SLC8A1: variants seen among roughly 807,000 people sequenced by gnomAD.
The protein encoded by SLC8A1 is solute carrier family 8 member A1, also known as sodium/calcium exchanger 1.
SLC8A1 carries 18 observed loss-of-function variants against 68.3 expected under a neutral mutation model. The observed-to-expected ratio is 0.26, with a 90% CI of 0.18 to 0.39. The LOEUF is 0.39. SLC8A1 is among the 10% of genes least tolerant of loss of function. The pLI, the probability that SLC8A1 is intolerant of heterozygous loss-of-function variation, is 1.00. For missense variants in SLC8A1, 985 were observed against 1,156.7 expected, an observed-to-expected ratio of 0.85 and a Z score of 2.15; for synonymous variants, 475 against 415.5, an observed-to-expected ratio of 1.14 and a Z score of -1.74.
intron 2 of SLC8A1, among the ~76,000 whole-genome samples, chr2:40,204,965 T>A (rs1035801063): frequency 6.6e-6 from 1 of 152,010 alleles, no homozygotes; most frequent in Non-Finnish European, 1.5e-5. Flanking sequence ...CCATTCCATC[T>A]TCTTTCCATT....
exon 8 of SLC8A1, chr2:40,098,192 T>C (rs1308237598): frequency 1.3e-5 from 2 of 152,058 alleles, no homozygotes; most frequent in African/African-American, 2.4e-5. Flanking sequence ...AAGATTGATA[T>C]TTCCCCACAG....
At chr2:40,414,280 C>A (rs1320033290) in intron 2 of SLC8A1, among the ~76,000 whole-genome samples, 2 of 152,156 alleles carry the variant, frequency 1.3e-5, no homozygotes, top group African/African-American at 4.8e-5. Context: ...GCCACAAAGA[C>A]AGCTAGACCG....
At chr2:40,287,556 C>T (rs2068515128) in intron 2 of SLC8A1, among the ~76,000 whole-genome samples, 1 of 138,336 alleles carries the variant, frequency 7.2e-6, no homozygotes, top group African/African-American at 2.7e-5. Flanking sequence ...ATTCCTCATT[C>T]TTTCAGCGGA....
exon 8 of SLC8A1, chr2:40,109,374 A>G (rs1211003967): frequency 6.6e-6 from 1 of 152,200 alleles, no homozygotes; most frequent in Non-Finnish European, 1.5e-5. Flanking sequence ...CCACACCTAC[A>G]TATTGATAGA....
At chr2:40,469,429 C>A (rs1026748918) in intron 1 of SLC8A1, among the ~76,000 whole-genome samples, 1 of 152,234 alleles carries the variant, frequency 6.6e-6, no homozygotes, top group Admixed American at 6.5e-5. Flanking sequence ...CTGTATGTTT[C>A]CTGAGGCCTC....
At chr2:40,254,833 C>T (rs964535727) in intron 2 of SLC8A1, 1 of 152,216 alleles carries the variant, frequency 6.6e-6, no homozygotes, top group Non-Finnish European at 1.5e-5. Flanking sequence ...TGAGCACTCA[C>T]ACTGTGCAAT....
At chr2:40,366,988 A>C (rs1312634719) in intron 2 of SLC8A1, among the ~76,000 whole-genome samples, 3 of 152,012 alleles carry the variant, frequency 2.0e-5, no homozygotes, top group Non-Finnish European at 4.4e-5. Context: ...ATTCCACCTG[A>C]GATTAACCTT....
chr2:40,323,916 A>G (rs1030115482), intron 2 of SLC8A1, among the ~76,000 whole-genome samples: 10 of 152,122 alleles, frequency 6.6e-5, no homozygotes, highest in Admixed American at 2.0e-4. Context: ...AAAAATTATA[A>G]GAATTTTTTA....
exon 8 of SLC8A1, chr2:40,114,072 A>G (rs975612665): frequency 6.5e-6 from 1 of 152,790 alleles, no homozygotes; most frequent in Non-Finnish European, 1.5e-5. Context: ...TATGTCTTCA[A>G]TGTCCAATCA....
intron 2 of SLC8A1, among the ~76,000 whole-genome samples, chr2:40,386,436 G>A (rs984109733): frequency 6.6e-6 from 1 of 150,376 alleles, no homozygotes; most frequent in Non-Finnish European, 1.5e-5. Context: ...AATAATATGA[G>A]GCTTTTACAT....
intron 2 of SLC8A1, among the ~76,000 whole-genome samples, chr2:40,382,679 T>C (rs1682254115): frequency 6.9e-6 from 1 of 144,524 alleles, no homozygotes; most frequent in African/African-American, 2.6e-5. Context: ...GAAAATCGTA[T>C]ATTATAGGTA....
intron 2 of SLC8A1, among the ~76,000 whole-genome samples, chr2:40,270,189 A>G (rs1014676614): frequency 6.6e-6 from 1 of 152,226 alleles, no homozygotes; most frequent in African/African-American, 2.4e-5. Context: ...TTATGCCAGG[A>G]TACTTTCAAT....
intron 1 of SLC8A1, among the ~76,000 whole-genome samples, chr2:40,493,673 A>G (rs1705485226): frequency 7.1e-6 from 1 of 139,982 alleles, no homozygotes; most frequent in East Asian, 2.1e-4. Context: ...TTTTTTTTCC[A>G]CGACAGAGTC....
At chr2:40,254,632 G>A (rs1308280558) in intron 2 of SLC8A1, 1 of 152,022 alleles carries the variant, frequency 6.6e-6, no homozygotes, top group Non-Finnish European at 1.5e-5. Flanking sequence ...AAAATTGTGA[G>A]TTTTAACCTA....
chr2:40,469,780 T>C (rs1703901325), intron 1 of SLC8A1, among the ~76,000 whole-genome samples: 1 of 152,122 alleles, frequency 6.6e-6, no homozygotes, highest in African/African-American at 2.4e-5. Flanking sequence ...TATATATCTT[T>C]TATTTTGTCA....
Position 40,174,537 on chromosome 2 carries a change from C to G in SLC8A1, c.1930+288G>C, listed in dbSNP as rs563298076. ...TTTTTCCATATGAACAGCTTATAAACACAACACACACACATTATTAATTTG... is the reference window on the plus strand; with the variant it reads ...TTTTTCCATATGAACAGCTTATAAAGACAACACACACACATTATTAATTTG... On this transcript the variant is annotated intron_variant, in intron 4 of 7. Transcript: ENST00000406785. Among the ~76,000 whole-genome samples, 23 of 152,204 alleles carry G rather than the reference C, an allele frequency of 1.5e-4. No individual in the cohort carries two copies. The South Asian group carries it at 4.8e-3, about 32-fold the overall frequency.
At chr2:40,485,646 C>T (rs1704917059) in intron 1 of SLC8A1, among the ~76,000 whole-genome samples, 1 of 152,096 alleles carries the variant, frequency 6.6e-6, no homozygotes, top group Non-Finnish European at 1.5e-5. Flanking sequence ...GATGAAAACA[C>T]ACACTAAAAA....
At chr2:40,296,744 C>T (rs2070466877) in intron 2 of SLC8A1, among the ~76,000 whole-genome samples, 2 of 152,170 alleles carry the variant, frequency 1.3e-5, no homozygotes, top group African/African-American at 4.8e-5. Flanking sequence ...ACTAATCCCC[C>T]ATCCTGTGGG....
chr2:40,474,187 A>C lies in SLC8A1; in HGVS notation c.-25+38162T>G, dbSNP rs1704149457. Reference sequence around the variant, plus strand: ...ATTGTTCTCTAGGAATATGATTTTAAATATATGGCATCCTGGCTTGGGAAA... The same window carrying C: ...ATTGTTCTCTAGGAATATGATTTTACATATATGGCATCCTGGCTTGGGAAA... On this transcript the variant is annotated intron_variant, in intron 1 of 7. Coordinates refer to the SLC8A1 transcript ENST00000402441. Among the ~76,000 whole-genome samples the C allele has an allele frequency of 2.0e-5, 3 of 152,164 alleles. No individual in the cohort carries two copies. The South Asian group carries it at 6.2e-4, about 31-fold the overall frequency.
Sources: allele counts gnomAD v4.1 joint callset (sites outside exome capture counted in the v4.1 genomes callset), GRCh38; gene constraint gnomAD v4.1.1; transcripts MANE v1.5; gene names NCBI Gene and HGNC (gene_info 2026-07-23, HGNC 2026-07-21).